ATP7B: variants seen among roughly 807,000 people sequenced by gnomAD.
ATP7B encodes the protein copper-transporting ATPase 2.
Under a neutral mutation model 118.9 loss-of-function variants are expected in ATP7B, and 113 were observed. The ratio of observed to expected loss-of-function variants is 0.95; its 90% CI spans 0.82 to 1.11. The LOEUF (loss-of-function observed/expected upper bound fraction) is 1.11, where lower values mean the gene tolerates loss of function less well. Ranked by LOEUF, ATP7B falls within the 50% of genes most tolerant of loss-of-function variation. The pLI is 0.00. For missense variants in ATP7B, 1,867 were observed against 1,871.4 expected, an observed-to-expected ratio of 1.00 and a Z score of 0.04; for synonymous variants, 777 against 727.4, an observed-to-expected ratio of 1.07 and a Z score of -1.10.
At chr13:51,966,908 C>A (rs1191024321) in intron 4 of ATP7B, 6 of 1,612,944 alleles carry the variant, frequency 3.7e-6, no homozygotes, top group Non-Finnish European at 5.1e-6. Context: ...ACCACAAAAA[C>A]CGAGAGCACT....
intron 5 of ATP7B, among the ~76,000 whole-genome samples, chr13:51,964,564 G>A (rs541743585): frequency 6.6e-6 from 1 of 152,138 alleles, no homozygotes; most frequent in Non-Finnish European, 1.5e-5. Context: ...ATTACAATTA[G>A]GCACTTTAAC....
intron 1 of ATP7B, among the ~76,000 whole-genome samples, chr13:52,005,720 C>T (rs1357517953): frequency 6.6e-6 from 1 of 152,190 alleles, no homozygotes. Flanking sequence ...AGCCTCTACC[C>T]TTTACCCAGT....
At position 51,970,649 on chromosome 13, in the gene ATP7B, G is replaced by A; in HGVS notation, c.1386C>T (p.His462=). The A allele has an allele frequency of 6.2e-7, 1 of 1,614,202 alleles. No homozygotes were observed. Among genetic ancestry groups the A allele is most frequent in the Non-Finnish European group, 8.5e-7 (1 of 1,180,028 alleles). The change falls in exon 3 of 21, where the codon CAC becomes CAT. Residue 462 remains histidine, a synonymous_variant. Transcript: ENST00000242839. ...TPTSVQEVAP[H]TGRLPANHAP... ...CATGGTTTGCAGGGAGCCTCCCAGT[G>A]TGGGGAGCCACTTCCTGCACAGATG...
chr13:51,935,097 G>A, intron 20 of ATP7B, 68 bp from the exon 21 acceptor site: 1 of 1,574,856 alleles, frequency 6.3e-7, no homozygotes, highest in Non-Finnish European at 8.6e-7. Context: ...TTCTAAGCCT[G>A]GTGAAGGCCT....
intron 1 of ATP7B, among the ~76,000 whole-genome samples, chr13:52,001,176 AGCCACCAGCTCATCTCACCTGCACTATT>A (rs1478859081): frequency 6.6e-6 from 1 of 152,180 alleles, no homozygotes; most frequent in Non-Finnish European, 1.5e-5. Flanking sequence ...CCCTGGTCCA[AGCCACCAGCTCATCTCACCTGCACTATT>A]GCTTAGAATC....
chr13:51,986,594 C>T (rs1231318873), intron 1 of ATP7B, among the ~76,000 whole-genome samples: 1 of 152,206 alleles, frequency 6.6e-6, no homozygotes, highest in East Asian at 1.9e-4. Context: ...ACACCAAAAC[C>T]TTGCAGAGAT....
At chr13:51,943,842 T>G (rs2138922744) in intron 14 of ATP7B, among the ~76,000 whole-genome samples, 1 of 152,220 alleles carries the variant, frequency 6.6e-6, no homozygotes. Context: ...AGGGTAGAGT[T>G]CATATCCCAC....
chr13:52,009,536 T>C (rs546028596), intron 1 of ATP7B, among the ~76,000 whole-genome samples: 2 of 152,346 alleles, frequency 1.3e-5, no homozygotes, highest in East Asian at 3.9e-4. Flanking sequence ...CTCAGGATAG[T>C]ATAATTGTGG....
rs556627034 is a variant in ATP7B at position 52,004,095 on chromosome 13, T to C, written c.51+7192A>G. Among the ~76,000 whole-genome samples, 22 of 151,682 alleles carry C rather than the reference T, an allele frequency of 1.5e-4. No individual in the cohort carries two copies. In the South Asian group the frequency reaches 1.7e-3, roughly 12 times the overall value. ...CAACATGGTGAAACCCCGTCTCTAC[T>C]AAAAAAAATTACAAAAATTAGCCGG... is the stretch of plus-strand genomic sequence containing the variant. On this transcript the variant is annotated intron_variant, in intron 1 of 20. Transcript: ENST00000242839.
intron 1 of ATP7B, among the ~76,000 whole-genome samples, chr13:51,991,387 G>A (rs1162562716): frequency 1.3e-5 from 2 of 152,092 alleles, no homozygotes; most frequent in East Asian, 3.9e-4. Context: ...GCTAGGGTGG[G>A]AGGATCACTG....
chr13:51,957,319 C>G (rs1958415333), intron 9 of ATP7B, among the ~76,000 whole-genome samples, 197 bp downstream of exon 9: 1 of 152,216 alleles, frequency 6.6e-6, no homozygotes, highest in Non-Finnish European at 1.5e-5. Flanking sequence ...ATTTCGCACA[C>G]ACACACCACC....
chr13:52,005,332 C>A (rs761894821), intron 1 of ATP7B, among the ~76,000 whole-genome samples: 1 of 152,212 alleles, frequency 6.6e-6, no homozygotes, highest in Non-Finnish European at 1.5e-5. Flanking sequence ...ATGCAGCACC[C>A]TGCACACTCT....
intron 19 of ATP7B, among the ~76,000 whole-genome samples, chr13:51,935,957 C>A (rs1274016189): frequency 6.6e-6 from 1 of 152,208 alleles, no homozygotes; most frequent in Non-Finnish European, 1.5e-5. Flanking sequence ...AGGTGGCATC[C>A]CATTTCAGGG....
rs786204643 is a variant in ATP7B, at chr13:51,974,966, C to A, written c.254G>T (p.Gly85Val). 1 of 1,614,088 alleles carries A rather than the reference C, an allele frequency of 6.2e-7. No individual in the cohort carries two copies. The highest frequency in any genetic ancestry group is 1.7e-5 in the Admixed American group (1 of 60,000). The stretch of plus-strand genomic sequence containing the variant: ...CAGGGAAACCTTCATGCTGATGATG[C>A]CTTTCAAATTGGAAATCCTGTCCTC... ...SIEDRISNLK[G>V]IISMKVSLEQ... The change falls in exon 2 of 21, where the codon GGC becomes GTC. Residue 85 changes from glycine (G) to valine (V), a missense_variant. Transcript: ENST00000242839.
intron 1 of ATP7B, among the ~76,000 whole-genome samples, chr13:51,976,254 G>A (rs1566609790): frequency 6.6e-6 from 1 of 152,202 alleles, no homozygotes; most frequent in African/African-American, 2.4e-5. Context: ...CTTGTCTTCA[G>A]ATGAATCTCC....
intron 1 of ATP7B, chr13:51,995,240 T>C (rs557526723): frequency 8.8e-5 from 83 of 948,498 alleles, no homozygotes; most frequent in Admixed American, 1.2e-4. Flanking sequence ...ACAAGAGACA[T>C]GGAGAGAAAC....
rs753594031 is a variant in ATP7B, at chr13:51,944,248, C to A, written c.3104G>T (p.Gly1035Val). The change falls in exon 14 of 21, where the codon GGC becomes GTC. Residue 1035 changes from glycine (G) to valine (V), a missense_variant. Gly to Val is a moderately radical substitution (Grantham distance 109). Transcript: ENST00000242839. The part of the protein sequence containing the change: ...MFDKTGTITH[G>V]VPRVMRVLLL... ...GAGCACCCGCATGACCCTGGGGACGCCATGGGTAATGGTGCCAGTCTTGTC... is the reference window on the plus strand; with the variant it reads ...GAGCACCCGCATGACCCTGGGGACGACATGGGTAATGGTGCCAGTCTTGTC... 8 of 1,614,088 alleles carry A rather than the reference C, an allele frequency of 5.0e-6. No individual in the cohort carries two copies. The East Asian group carries it at 1.8e-4, about 36-fold the overall frequency.
At chr13:51,940,964 A>T in intron 16 of ATP7B, 117 bp downstream of exon 16, 1 of 1,465,076 alleles carries the variant, frequency 6.8e-7, no homozygotes, top group Non-Finnish European at 9.5e-7. Flanking sequence ...GCCTGAAATT[A>T]AGAGAGGAAG....
At chr13:51,995,717 G>A (rs1405013930) in intron 1 of ATP7B, among the ~76,000 whole-genome samples, 1 of 152,218 alleles carries the variant, frequency 6.6e-6, no homozygotes, top group Non-Finnish European at 1.5e-5. Flanking sequence ...GCAGTCTTCA[G>A]CCTGGCAGCA....
Sources: allele counts gnomAD v4.1 joint callset (sites outside exome capture counted in the v4.1 genomes callset), GRCh38; gene constraint gnomAD v4.1.1; transcripts MANE v1.5; gene names NCBI Gene and HGNC (gene_info 2026-07-23, HGNC 2026-07-21).